The following KCTD14 variants were observed in gnomAD, a reference collection of about 807,000 sequenced individuals.
The protein encoded by KCTD14 is potassium channel tetramerization domain containing 14.
A neutral mutation model predicts 5.9 loss-of-function variants in KCTD14; 7 were observed. That is an observed-to-expected ratio of 1.19 (90% CI 0.68 to 2.23). The LOEUF (loss-of-function observed/expected upper bound fraction) is 2.23. Ranked by LOEUF, KCTD14 falls within the 30% of genes most tolerant of loss-of-function variation. The pLI is 0.00. For missense variants in KCTD14, 342 were observed against 332.2 expected, an observed-to-expected ratio of 1.03 and a Z score of -0.23; for synonymous variants, 140 against 133.1, an observed-to-expected ratio of 1.05 and a Z score of -0.36.
chr11:78,020,095 T>C (rs1237116499), intron 1 of KCTD14, among the ~76,000 whole-genome samples: 1 of 152,176 alleles, frequency 6.6e-6, no homozygotes, highest in East Asian at 1.9e-4. Flanking sequence ...CTTAAGCATG[T>C]AGGTGCTGAG....
chr11:78,018,031 A>G (rs1041659254), intron 1 of KCTD14, among the ~76,000 whole-genome samples: 1 of 152,156 alleles, frequency 6.6e-6, no homozygotes. Context: ...TAGGAGGTGG[A>G]GGCTGCAGTG....
chr11:78,037,402 C>T (rs1189833733), intron 2 of KCTD14, among the ~76,000 whole-genome samples: 1 of 152,198 alleles, frequency 6.6e-6, no homozygotes, highest in Non-Finnish European at 1.5e-5. Flanking sequence ...TCTCCAAGCT[C>T]CCAAGGGCCA....
Position 78,016,792 on chromosome 11 carries a change from T to C in KCTD14, c.569A>G (p.Gln190Arg), listed in dbSNP as rs1246417248. 6.2e-7 allele frequency: 1 copy of C among 1,614,126 alleles called. No individual in the cohort carries two copies. Among genetic ancestry groups the C allele is most frequent in the Non-Finnish European group, 8.5e-7 (1 of 1,179,972 alleles). Residue 190 changes from glutamine (Q) to arginine (R), a missense_variant, in exon 2 of 2, where the codon CAG (glutamine) becomes CGG (arginine). Gln to Arg is a conservative substitution (Grantham distance 43, BLOSUM62 1). Transcript: ENST00000353172. Reference sequence around the variant, plus strand: ...AACAGACTTGAACATCTTCTTATCCTGCAGAAAACACAGGACCTCTGAATA... The same window carrying C: ...AACAGACTTGAACATCTTCTTATCCCGCAGAAAACACAGGACCTCTGAATA... The part of the protein sequence containing the change: ...AYYSEVLCFL[Q>R]DKKMFKSVVK...
At chr11:78,031,934 A>C (rs941078389) in intron 2 of KCTD14, among the ~76,000 whole-genome samples, 1 of 152,246 alleles carries the variant, frequency 6.6e-6, no homozygotes, top group East Asian at 1.9e-4. Context: ...GTAATGGTGG[A>C]TCACAGATAA....
At chr11:78,021,228 G>A (rs192147093) in intron 1 of KCTD14, among the ~76,000 whole-genome samples, 65 of 143,958 alleles carry the variant, frequency 4.5e-4, no homozygotes, top group Non-Finnish European at 8.3e-4. Context: ...AACCCGGAAG[G>A]CAGAGGTTGC....
chr11:78,034,391 GT>G (rs1215341057), intron 2 of KCTD14, among the ~76,000 whole-genome samples: 22 of 152,122 alleles, frequency 1.4e-4, no homozygotes, highest in Non-Finnish European at 1.2e-4. Flanking sequence ...GGAATTACAG[GT>G]GTGAGCCACT....
At chr11:78,029,111 G>A (rs1857547537) in intron 2 of KCTD14, among the ~76,000 whole-genome samples, 1 of 151,672 alleles carries the variant, frequency 6.6e-6, no homozygotes, top group African/African-American at 2.4e-5. Flanking sequence ...CTTGAACCCG[G>A]GAGGCGGAGG....
intron 1 of KCTD14, chr11:78,038,769 AAG>A: frequency 6.5e-7 from 1 of 1,535,656 alleles, no homozygotes; most frequent in Non-Finnish European, 8.7e-7. Context: ...CTGAAACAGA[AAG>A]AGAATTTCTT....
chr11:78,034,277 C>A (rs1360051171), intron 2 of KCTD14, among the ~76,000 whole-genome samples: 2 of 152,112 alleles, frequency 1.3e-5, no homozygotes, highest in Non-Finnish European at 2.9e-5. Flanking sequence ...TGCATAGCAC[C>A]ATGCCTGGCT....
intron 1 of KCTD14, among the ~76,000 whole-genome samples, chr11:78,040,554 C>G (rs1220053981): frequency 6.6e-6 from 1 of 152,120 alleles, no homozygotes; most frequent in African/African-American, 2.4e-5. Flanking sequence ...TTTTCTCTGT[C>G]TCTTCGGTGG....
At chr11:78,042,192 T>G (rs549741295) in intron 1 of KCTD14, among the ~76,000 whole-genome samples, 24 of 152,260 alleles carry the variant, frequency 1.6e-4, no homozygotes, top group South Asian at 4.2e-4. Flanking sequence ...AAGCTAACTT[T>G]GGGAGAAATT....
At chr11:78,024,400 AT>A, upstream of KCTD14, among the ~76,000 whole-genome samples, 1 of 122,142 alleles carries the variant, frequency 8.2e-6, no homozygotes, top group African/African-American at 3.2e-5. Context: ...AAAAAAAAAT[AT>A]ATATATATAT....
At chr11:78,039,082 A>AG (rs917281920) in intron 1 of KCTD14, among the ~76,000 whole-genome samples, 2 of 151,892 alleles carry the variant, frequency 1.3e-5, no homozygotes. Flanking sequence ...AAAAAAAAAA[A>AG]AAACACAAAA....
intron 2 of KCTD14, among the ~76,000 whole-genome samples, chr11:78,038,218 G>T (rs1013388096): frequency 6.6e-6 from 1 of 152,178 alleles, no homozygotes; most frequent in Non-Finnish European, 1.5e-5. Flanking sequence ...GGGACCTCGG[G>T]TGTCCTGTTC....
At chr11:78,030,614 C>T (rs1423501583) in intron 2 of KCTD14, among the ~76,000 whole-genome samples, 1 of 152,218 alleles carries the variant, frequency 6.6e-6, no homozygotes, top group Non-Finnish European at 1.5e-5. Context: ...TCCTTCTGCC[C>T]TCCCCTCACT....
chr11:78,032,894 C>A (rs1211390342), intron 2 of KCTD14, among the ~76,000 whole-genome samples: 1 of 151,940 alleles, frequency 6.6e-6, no homozygotes, highest in Non-Finnish European at 1.5e-5. Flanking sequence ...GTTGCCCAAG[C>A]TGGTCTCAAA....
intron 1 of KCTD14, 77 bp downstream of exon 1, chr11:78,023,082 GA>G: frequency 9.9e-7 from 1 of 1,006,772 alleles, no homozygotes; most frequent in Non-Finnish European, 1.5e-6. Flanking sequence ...ACGGGCAGGA[GA>G]AACTGGAAGG....
chr11:78,016,943 G>A lies in KCTD14; in HGVS notation c.418C>T (p.Leu140=). 1 of 1,614,228 alleles carries A rather than the reference G, an allele frequency of 6.2e-7. No individual in the cohort carries two copies. The highest frequency in any genetic ancestry group is 8.5e-7 in the Non-Finnish European group (1 of 1,180,050). ...GEQVSRKQFL[L]QVPGYSENLE... ...TTCTCGCTGTAGCCCGGCACTTGCAGCAAAAACTGCTTCCGAGACACCTGC... is the reference window on the plus strand; with the variant it reads ...TTCTCGCTGTAGCCCGGCACTTGCAACAAAAACTGCTTCCGAGACACCTGC... Residue 140 remains leucine (L), a synonymous_variant, in exon 2 of 2, where the codon CTG becomes TTG. Coordinates refer to ENST00000353172, the MANE Select transcript of KCTD14 (RefSeq NM_023930.4).
chr11:78,021,229 C>T (rs1857294977), intron 1 of KCTD14, among the ~76,000 whole-genome samples: 1 of 137,486 alleles, frequency 7.3e-6, no homozygotes, highest in African/African-American at 2.7e-5. Flanking sequence ...ACCCGGAAGG[C>T]AGAGGTTGCA....
Sources: gnomAD v4.1 joint callset for allele counts (sites outside exome capture counted in the v4.1 genomes callset) on GRCh38, gnomAD v4.1.1 for gene constraint, MANE v1.5 for transcripts, NCBI Gene and HGNC (gene_info 2026-07-23, HGNC 2026-07-21) for gene names.